Variants in PACRG observed in about 807,000 individuals in gnomAD.
The protein encoded by PACRG is parkin coregulated gene protein.
In PACRG, 29 loss-of-function variants were observed where a neutral mutation model predicts 29.7. The ratio of observed to expected loss-of-function variants is 0.98; its 90% confidence interval spans 0.73 to 1.33. The LOEUF is 1.33. Ranked by LOEUF, PACRG falls within the 40% of genes most tolerant of loss-of-function variation. The probability of loss-of-function intolerance (pLI) is 0.00; values close to 1 mark genes in which losing one functional copy is unlikely to be tolerated. For synonymous variants in PACRG, 116 were observed against 118.7 expected (o/e 0.98, Z 0.15); for missense variants, 279 against 316.2 (o/e 0.88, Z 0.89).
chr6:162,860,374 C>T (rs569803120), intron 2 of PACRG, among the ~76,000 whole-genome samples: 6 of 152,186 alleles, frequency 3.9e-5, no homozygotes, highest in African/African-American at 1.4e-4. Flanking sequence ...AAAAATGGTA[C>T]AGAAAAACGG....
intron 2 of PACRG, among the ~76,000 whole-genome samples, chr6:162,862,701 A>C (rs1448230156): frequency 6.6e-6 from 1 of 152,186 alleles, no homozygotes; most frequent in Non-Finnish European, 1.5e-5. Context: ...ACCCTCATCC[A>C]TAACACGATG....
At chr6:163,250,479 C>T (rs905581998) in intron 4 of PACRG, among the ~76,000 whole-genome samples, 1 of 152,334 alleles carries the variant, frequency 6.6e-6, no homozygotes, top group South Asian at 2.1e-4. Flanking sequence ...ATATTGGAAA[C>T]TTTGCTGAAT....
intron 1 of PACRG, among the ~76,000 whole-genome samples, chr6:162,749,646 G>A (rs572019709): frequency 4.6e-5 from 7 of 152,208 alleles, no homozygotes; most frequent in Non-Finnish European, 8.8e-5. Context: ...TCAGTCCCCT[G>A]AGTATCTGGG....
intron 4 of PACRG, among the ~76,000 whole-genome samples, chr6:163,303,850 GA>G (rs1297663667): frequency 6.6e-5 from 10 of 150,516 alleles, no homozygotes; most frequent in Non-Finnish European, 1.2e-4. Flanking sequence ...CTCTATTAAA[GA>G]AAAAAAATAC....
At chr6:163,263,280 G>C (rs1783406349) in intron 4 of PACRG, among the ~76,000 whole-genome samples, 1 of 151,644 alleles carries the variant, frequency 6.6e-6, no homozygotes, top group Non-Finnish European at 1.5e-5. Flanking sequence ...GAGCCAACTA[G>C]ACTTGAACAG....
intron 2 of PACRG, among the ~76,000 whole-genome samples, chr6:162,888,337 C>T (rs1425037880): frequency 6.6e-6 from 1 of 152,098 alleles, no homozygotes; most frequent in Non-Finnish European, 1.5e-5. Context: ...GCACGTGGTG[C>T]CAACCTAAGA....
chr6:163,315,044 G>T lies in PACRG; in HGVS notation c.*57G>T, dbSNP rs1785596240. ...GTTGGTGTTGGGATCATCTGTCTCT[G>T]TTGCTTTTAGCATCTCATTCCTTGT... On this transcript the variant is annotated 3_prime_UTR_variant, in exon 5 of 5. Transcript: ENST00000366888. 6.4e-7 allele frequency: 1 copy of T among 1,555,214 alleles called. No individual in the cohort carries two copies. The highest frequency in any genetic ancestry group is 1.4e-5 in the African/African-American group (1 of 73,268).
chr6:163,242,907 A>G (rs998779664), intron 4 of PACRG, among the ~76,000 whole-genome samples: 4 of 152,258 alleles, frequency 2.6e-5, no homozygotes, highest in African/African-American at 9.6e-5. Context: ...AATGGGCTTC[A>G]ATCATGAATT....
intron 4 of PACRG, among the ~76,000 whole-genome samples, chr6:163,245,657 T>C (rs146356266): frequency 9.9e-4 from 151 of 152,222 alleles, no homozygotes; most frequent in African/African-American, 3.1e-3. Context: ...GCACTGATGG[T>C]TCCCTCATTT....
intron 2 of PACRG, among the ~76,000 whole-genome samples, chr6:162,937,690 TTGTGGG>T (rs1798332882): frequency 6.6e-6 from 1 of 152,170 alleles, no homozygotes. Flanking sequence ...AATGTAAGGC[TTGTGGG>T]TATATTTACC....
chr6:163,065,825 T>C (rs889408983), intron 3 of PACRG, among the ~76,000 whole-genome samples: 2 of 152,162 alleles, frequency 1.3e-5, no homozygotes, highest in African/African-American at 4.8e-5. Flanking sequence ...AAAATCTCCA[T>C]AGAAGTATAG....
intron 3 of PACRG, among the ~76,000 whole-genome samples, chr6:163,085,363 AAAG>A (rs1813460942): frequency 1.3e-5 from 2 of 152,172 alleles, no homozygotes; most frequent in African/African-American, 4.8e-5. Context: ...AATAAAGAGA[AAAG>A]AAAGAAACCC....
chr6:163,194,081 CA>C (rs1780341477), intron 4 of PACRG, among the ~76,000 whole-genome samples: 2 of 151,966 alleles, frequency 1.3e-5, no homozygotes, highest in Non-Finnish European at 2.9e-5. Context: ...TTAGTAGAGA[CA>C]GGGTTTTGCC....
At chr6:163,223,811 T>C (rs1781680870) in intron 4 of PACRG, among the ~76,000 whole-genome samples, 1 of 152,134 alleles carries the variant, frequency 6.6e-6, no homozygotes, top group Non-Finnish European at 1.5e-5. Flanking sequence ...TGGCATGCAT[T>C]ATGAAGATGT....
intron 3 of PACRG, among the ~76,000 whole-genome samples, chr6:163,077,325 C>T (rs1005728267): frequency 6.6e-6 from 1 of 152,124 alleles, no homozygotes; most frequent in Non-Finnish European, 1.5e-5. Flanking sequence ...GGAAATATCA[C>T]TGCTTTACAA....
intron 4 of PACRG, among the ~76,000 whole-genome samples, chr6:163,196,004 C>T (rs1038584639): frequency 1.8e-4 from 27 of 152,150 alleles, no homozygotes; most frequent in African/African-American, 6.5e-4. Flanking sequence ...ATCCCAGAGA[C>T]CCCCTACGAG....
intron 1 of PACRG, among the ~76,000 whole-genome samples, chr6:162,808,720 C>T (rs1786573473): frequency 6.6e-6 from 1 of 152,142 alleles, no homozygotes; most frequent in Non-Finnish European, 1.5e-5. Flanking sequence ...CCATTCTTCC[C>T]AATTGGTTTA....
chr6:163,100,603 A>G (rs1183940779), intron 4 of PACRG, among the ~76,000 whole-genome samples: 1 of 152,178 alleles, frequency 6.6e-6, no homozygotes, highest in East Asian at 1.9e-4. Context: ...GCCTGGGCCC[A>G]CAGCTCACCC....
rs1562349854 is a variant in PACRG, at chr6:163,269,924, AAGAAAACAAAGAAAGAAAGAAAGAAAG to A, written c.614-44901_614-44875del. Among the ~76,000 whole-genome samples, 25 of 66,538 alleles carry A rather than the reference AAGAAAACAAAGAAAGAAAGAAAGAAAG, an allele frequency of 3.8e-4. 9 individuals carry two copies. The highest frequency in any genetic ancestry group is 2.1e-3 in the African/African-American group (24 of 11,690). 43.7% of individuals were successfully genotyped at this position (66,538 alleles called of 152,430 possible). A position where few individuals can be genotyped will look rare whatever the true frequency, so the allele number is the denominator to read the frequency against. ...AAAGAAAGAAAGAAAGAAAGAAAGA[AAGAAAACAAAGAAAGAAAGAAAGAAAG>A]AAAGAAAGAAAGAAAGAAAGAAAGA... On this transcript the variant is annotated intron_variant, in intron 4 of 4. Transcript: ENST00000366888.
Sources: allele counts gnomAD v4.1 joint callset (sites outside exome capture counted in the v4.1 genomes callset), GRCh38; gene constraint gnomAD v4.1.1; transcripts MANE v1.5; gene names NCBI Gene and HGNC (gene_info 2026-07-23, HGNC 2026-07-21).